The following DNAI4 variants were observed in gnomAD, a reference collection of about 807,000 sequenced individuals.
The protein encoded by DNAI4 is dynein axonemal intermediate chain 4, also known as WD repeat domain 78.
DNAI4 carries 85 observed loss-of-function variants against 105.8 expected under a neutral mutation model. That is an observed-to-expected ratio of 0.80 (90% CI 0.67 to 0.96). The LOEUF is 0.96. DNAI4 is among the 40% of genes least tolerant of loss of function. The pLI, the probability that DNAI4 is intolerant of heterozygous loss-of-function variation, is 0.00. For synonymous variants in DNAI4, 352 were observed against 331.5 expected (o/e 1.06, Z -0.67); for missense variants, 1,014 against 1,005.6 (o/e 1.01, Z -0.11).
At position 66,890,998 on chromosome 1, in the gene DNAI4, A is replaced by G; in HGVS notation, c.643+156T>C. On this transcript the variant is annotated intron_variant, in intron 4 of 16. Transcript: ENST00000371026. This position sits in a 1 kb window ranked among gnomAD's most constrained non-coding sequence, Gnocchi z 4.1. ...AACAGTCACCCAGGGAACTTAAAAAAATAGATATTCCCCTGGTAATTCTCT... is the reference window on the plus strand; with the variant it reads ...AACAGTCACCCAGGGAACTTAAAAAGATAGATATTCCCCTGGTAATTCTCT... 1.5e-6 allele frequency: 1 copy of G among 659,642 alleles called. No individual in the cohort carries two copies. The highest frequency in any genetic ancestry group is 2.7e-6 in the Non-Finnish European group (1 of 376,648). The allele number at this position is 659,642 out of a possible 1,614,324, so 40.9% of individuals were successfully genotyped here. A position where few individuals can be genotyped will look rare whatever the true frequency, so the allele number is the denominator to read the frequency against.
Position 66,924,700 on chromosome 1 carries a change from G to C in DNAI4, c.132C>G (p.Val44=). The C allele has an allele frequency of 1.9e-6, 3 of 1,614,232 alleles. No homozygotes were observed. Among genetic ancestry groups the C allele is most frequent in the Non-Finnish European group, 2.5e-6 (3 of 1,180,046 alleles). ...GCTGCTTGTGACTGCCTGCCGGAGA[G>C]ACTGGCATGGTGGCGACCAGCTGGG... ...TTPQLVATMP[V]SPAGSHKQQN... Residue 44 remains valine (V), a synonymous_variant, in exon 1 of 17, where the codon GTC becomes GTG. Transcript: ENST00000371026.
chr1:66,915,763 A>G (rs1271683449), intron 1 of DNAI4, among the ~76,000 whole-genome samples: 1 of 152,200 alleles, frequency 6.6e-6, no homozygotes, highest in Non-Finnish European at 1.5e-5. Context: ...AAATGTAAAG[A>G]AAGTTATAAA....
chr1:66,849,379 G>A (rs777340486), intron 7 of DNAI4, among the ~76,000 whole-genome samples: 14 of 152,086 alleles, frequency 9.2e-5, no homozygotes, highest in Non-Finnish European at 1.8e-4. Context: ...TTCTACTCCC[G>A]CCTGGAAATA....
At chr1:66,875,011 A>C in intron 4 of DNAI4, 74 bp from the exon 5 acceptor site, 1 of 1,290,204 alleles carries the variant, frequency 7.8e-7, no homozygotes, top group Non-Finnish European at 1.1e-6. Context: ...CTAGTCACCA[A>C]TATACCATAA....
intron 1 of DNAI4, 142 bp downstream of exon 1, chr1:66,924,520 G>T: frequency 8.8e-7 from 1 of 1,132,324 alleles, no homozygotes; most frequent in South Asian, 1.4e-5. Context: ...AGGAGACATT[G>T]TGGCCTAGGA....
At chr1:66,827,172 T>C (rs987984158) in intron 14 of DNAI4, 126 bp from the exon 15 acceptor site, 8 of 762,588 alleles carry the variant, frequency 1.0e-5, no homozygotes, top group Middle Eastern at 7.5e-4. Flanking sequence ...TGGGCATTAT[T>C]TTAGTTGAGA....
At chr1:66,893,951 G>A (rs968322940) in intron 2 of DNAI4, among the ~76,000 whole-genome samples, 1 of 152,004 alleles carries the variant, frequency 6.6e-6, no homozygotes. Flanking sequence ...CATTACTCAC[G>A]AATTTGTGGT....
intron 7 of DNAI4, among the ~76,000 whole-genome samples, chr1:66,849,890 G>C (rs1646358780): frequency 1.3e-5 from 2 of 151,822 alleles, no homozygotes; most frequent in African/African-American, 2.4e-5. Context: ...AGAAAAGTCT[G>C]AAAAAAATGA....
At position 66,891,201 on chromosome 1, in the gene DNAI4, T is replaced by C; in HGVS notation, c.596A>G (p.Asp199Gly). The C allele has an allele frequency of 6.2e-7, 1 of 1,613,928 alleles. No individual in the cohort carries two copies. Among genetic ancestry groups the C allele is most frequent in the Non-Finnish European group, 8.5e-7 (1 of 1,179,948 alleles). ...SVSASESIAEDLEEPSYKRER... is the reference protein window; with the variant it reads ...SVSASESIAEGLEEPSYKRER... ...CCGTTTATAGGATGGTTCTTCCAGG[T>C]CTTCTGCTATTGATTCACTTGCTGA... is the stretch of plus-strand genomic sequence containing the variant. The change falls in exon 4 of 17, where the codon GAC becomes GGC. Residue 199 changes from aspartate (D) to glycine (G), a missense_variant. Asp to Gly is a moderately conservative substitution (Grantham distance 94). Coordinates refer to ENST00000371026, the MANE Select transcript of DNAI4 (RefSeq NM_024763.5).
chr1:66,909,749 CTGACAT>C (rs1421543438), intron 1 of DNAI4, among the ~76,000 whole-genome samples: 1 of 151,940 alleles, frequency 6.6e-6, no homozygotes, highest in Non-Finnish European at 1.5e-5. Context: ...AACTAAGTTC[CTGACAT>C]TAACCTCCAC....
chr1:66,868,879 C>G (rs2100644760), intron 6 of DNAI4, among the ~76,000 whole-genome samples: 1 of 151,876 alleles, frequency 6.6e-6, no homozygotes, highest in African/African-American at 2.4e-5. Context: ...AGATCGAGAC[C>G]ATCCTGGCCA....
intron 16 of DNAI4, among the ~76,000 whole-genome samples, chr1:66,816,608 A>G (rs1197525486): frequency 6.6e-6 from 1 of 152,090 alleles, no homozygotes; most frequent in Non-Finnish European, 1.5e-5. Flanking sequence ...ATATAACCCT[A>G]AGCCTTTCAA....
chr1:66,831,477 A>C (rs1323276335), intron 13 of DNAI4, among the ~76,000 whole-genome samples: 2 of 152,204 alleles, frequency 1.3e-5, no homozygotes, highest in Non-Finnish European at 2.9e-5. Context: ...AAACATTCAA[A>C]AAATCAATCT....
chr1:66,835,610 A>G lies in DNAI4; in HGVS notation c.1733+16T>C. The G allele has an allele frequency of 6.2e-7, 1 of 1,611,442 alleles. No individual in the cohort carries two copies. The highest frequency in any genetic ancestry group is 8.5e-7 in the Non-Finnish European group (1 of 1,178,296). ...AAAGCATGTATTATACATTTATCTA[A>G]TTCTCGGATTCTTACCTACTATCCA... On this transcript the variant is annotated intron_variant, in intron 11 of 16. Transcript: ENST00000371026.
intron 5 of DNAI4, 131 bp from the exon 6 acceptor site, chr1:66,871,640 AAAAAAAG>A: frequency 1.1e-6 from 1 of 880,850 alleles, no homozygotes; most frequent in Non-Finnish European, 1.7e-6. Context: ...GTGAGACTTC[AAAAAAAG>A]CCTTAGGAAA....
At chr1:66,922,532 T>C (rs567084161) in intron 1 of DNAI4, among the ~76,000 whole-genome samples, 72 of 152,280 alleles carry the variant, frequency 4.7e-4, no homozygotes, top group Admixed American at 2.4e-3. Context: ...TGGAAAAAAC[T>C]TGAGAAATGT....
chr1:66,856,739 G>C (rs2100576533), intron 7 of DNAI4, among the ~76,000 whole-genome samples: 1 of 151,968 alleles, frequency 6.6e-6, no homozygotes, highest in South Asian at 2.1e-4. Flanking sequence ...ATAACAAATA[G>C]GTCAAAGAAG....
chr1:66,900,961 C>T (rs1272182543), intron 2 of DNAI4, among the ~76,000 whole-genome samples: 2 of 152,168 alleles, frequency 1.3e-5, no homozygotes, highest in African/African-American at 4.8e-5. Context: ...TTGTCTTGTT[C>T]CTGATCATAA....
intron 4 of DNAI4, among the ~76,000 whole-genome samples, chr1:66,883,338 C>A (rs185862928): frequency 1.3e-5 from 2 of 152,002 alleles, no homozygotes; most frequent in Non-Finnish European, 2.9e-5. Flanking sequence ...AGTGCAATGG[C>A]GCAATCTGGG....
Sources: allele counts gnomAD v4.1 joint callset (sites outside exome capture counted in the v4.1 genomes callset), GRCh38; gene constraint gnomAD v4.1.1; non-coding constraint Gnocchi (gnomAD v3.1); transcripts MANE v1.5; gene names NCBI Gene and HGNC (gene_info 2026-07-23, HGNC 2026-07-21).